IL1RAPL1: variants seen among roughly 807,000 people sequenced by gnomAD.
IL1RAPL1 encodes the protein interleukin 1 receptor accessory protein like 1.
A neutral mutation model predicts 48.4 loss-of-function variants in IL1RAPL1; 3 were observed. That is an observed-to-expected ratio of 0.06 (90% confidence interval 0.03 to 0.16). The LOEUF is 0.16. Ranked by LOEUF, IL1RAPL1 falls within the 10% of genes least tolerant of loss-of-function variation. The probability of loss-of-function intolerance (pLI) is 1.00; values close to 1 mark genes in which losing one functional copy is unlikely to be tolerated. For synonymous variants in IL1RAPL1, 185 were observed against 187.7 expected, an observed-to-expected ratio of 0.99 and a Z score of 0.12; for missense variants, 349 against 530.6, an observed-to-expected ratio of 0.66 and a Z score of 3.36.
intron 2 of IL1RAPL1, among the ~76,000 whole-genome samples, chrX:29,233,615 C>T (rs889441329): frequency 9.0e-6 from 1 of 110,769 alleles, no homozygotes; most frequent in Non-Finnish European, 1.9e-5. Context: ...TTCTTGCCTC[C>T]CTGTTGTACA....
At chrX:29,263,422 A>G (rs1450202234) in intron 2 of IL1RAPL1, among the ~76,000 whole-genome samples, 1 of 112,263 alleles carries the variant, frequency 8.9e-6, no homozygotes, top group African/African-American at 3.2e-5. Flanking sequence ...CAGTTGTTTT[A>G]ACATAATTGC....
At chrX:28,856,258 G>A (rs1921803091) in intron 2 of IL1RAPL1, among the ~76,000 whole-genome samples, 1 of 111,391 alleles carries the variant, frequency 9.0e-6, no homozygotes, top group Non-Finnish European at 1.9e-5. Context: ...GAGTTCTCCC[G>A]ATAAACTTCC....
At chrX:29,928,705 T>G (rs1932913924) in intron 8 of IL1RAPL1, among the ~76,000 whole-genome samples, 1 of 111,774 alleles carries the variant, frequency 8.9e-6, no homozygotes. Flanking sequence ...AAGAGGGAGA[T>G]AGCTGTGCAT....
At chrX:28,971,170 A>G (rs1466710268) in intron 2 of IL1RAPL1, among the ~76,000 whole-genome samples, 4 of 111,571 alleles carry the variant, frequency 3.6e-5, no homozygotes, top group Non-Finnish European at 7.5e-5. Flanking sequence ...AGTAACTAAC[A>G]ACTGCCAACT....
intron 3 of IL1RAPL1, among the ~76,000 whole-genome samples, chrX:29,394,325 A>G (rs189230239): frequency 9.0e-6 from 1 of 111,405 alleles, no homozygotes; most frequent in Non-Finnish European, 1.9e-5. Flanking sequence ...CTAAGATCCA[A>G]ATTTCATCAT....
intron 6 of IL1RAPL1, among the ~76,000 whole-genome samples, chrX:29,837,914 A>T (rs1191989010): frequency 8.9e-6 from 1 of 112,380 alleles, no homozygotes; most frequent in Non-Finnish European, 1.9e-5. Context: ...ATAGACAATT[A>T]TAAAAAGAGT....
chrX:29,307,793 A>T (rs190496478), intron 3 of IL1RAPL1, among the ~76,000 whole-genome samples: 63 of 112,342 alleles, frequency 5.6e-4, no homozygotes, highest in African/African-American at 1.9e-3. Flanking sequence ...TAAAAGATAT[A>T]CCCAATTTTG....
chrX:29,197,268 A>G (rs1423266774), intron 2 of IL1RAPL1, among the ~76,000 whole-genome samples: 2 of 112,091 alleles, frequency 1.8e-5, no homozygotes, highest in Non-Finnish European at 3.8e-5. Flanking sequence ...CAAAGAAACA[A>G]CTGCTTTATT....
intron 2 of IL1RAPL1, among the ~76,000 whole-genome samples, chrX:29,093,194 T>C (rs1940154941): frequency 9.0e-6 from 1 of 111,461 alleles, no homozygotes; most frequent in African/African-American, 3.3e-5. Context: ...AGAAAAATGG[T>C]TCAATTGGCT....
chrX:29,168,174 A>G (rs1929824382), intron 2 of IL1RAPL1, among the ~76,000 whole-genome samples: 1 of 109,920 alleles, frequency 9.1e-6, no homozygotes. Flanking sequence ...GACATTTATC[A>G]TTTCTTTTTG....
At chrX:29,075,883 A>G (rs1927659853) in intron 2 of IL1RAPL1, among the ~76,000 whole-genome samples, 1 of 111,922 alleles carries the variant, frequency 8.9e-6, no homozygotes, top group Non-Finnish European at 1.9e-5. Flanking sequence ...ACTTGTACCT[A>G]CAATAAAAAG....
intron 1 of IL1RAPL1, among the ~76,000 whole-genome samples, chrX:28,607,209 A>G (rs1934093156): frequency 9.1e-6 from 1 of 109,375 alleles, no homozygotes; most frequent in African/African-American, 3.3e-5. Flanking sequence ...TGCATGCCAA[A>G]CCTTGGGTAA....
intron 2 of IL1RAPL1, among the ~76,000 whole-genome samples, chrX:28,924,716 G>C (rs747055419): frequency 5.3e-5 from 6 of 112,160 alleles, no homozygotes; most frequent in Non-Finnish European, 9.4e-5. Context: ...TGGCTCTCAC[G>C]TGAAACATCC....
At chrX:29,910,483 T>C (rs1039506480) in intron 6 of IL1RAPL1, among the ~76,000 whole-genome samples, 11 of 112,104 alleles carry the variant, frequency 9.8e-5, no homozygotes, top group Non-Finnish European at 1.3e-4. Flanking sequence ...ATGTTTACTT[T>C]TAAATATTTG....
In IL1RAPL1 at chrX:29,074,263, A is replaced by G. The variant is rs745350004; in HGVS notation, c.83-208675A>G. Among the ~76,000 whole-genome samples, 49 of 111,135 alleles carry G rather than the reference A, an allele frequency of 4.4e-4. 1 individual carries two copies. Among genetic ancestry groups the G allele is most frequent in the Admixed American group, 5.8e-4 (6 of 10,419 alleles). On this transcript the variant is annotated intron_variant, in intron 2 of 10. Transcript: ENST00000378993. The stretch of plus-strand genomic sequence containing the variant: ...CAATTCTACACATCAGACCCTTCTC[A>G]ATCTAGTTTCTGGGCTCTGGAGGTT...
At chrX:29,250,487 C>G (rs1351750037) in intron 2 of IL1RAPL1, among the ~76,000 whole-genome samples, 1 of 111,032 alleles carries the variant, frequency 9.0e-6, no homozygotes, top group Non-Finnish European at 1.9e-5. Flanking sequence ...TTTAAGGCTT[C>G]TCATTACCTT....
chrX:29,283,966 C>T (rs1418784850), intron 3 of IL1RAPL1, among the ~76,000 whole-genome samples: 1 of 112,814 alleles, frequency 8.9e-6, no homozygotes, highest in Non-Finnish European at 1.9e-5. Context: ...GATTGTGAAT[C>T]ACATCCTTCA....
intron 6 of IL1RAPL1, among the ~76,000 whole-genome samples, chrX:29,800,370 A>G (rs1358301311): frequency 9.0e-6 from 1 of 110,807 alleles, no homozygotes; most frequent in Non-Finnish European, 1.9e-5. Flanking sequence ...CAACCTGAAC[A>G]TAGACTGACA....
intron 1 of IL1RAPL1, among the ~76,000 whole-genome samples, chrX:28,668,328 G>A (rs183398588): frequency 9.0e-5 from 10 of 111,031 alleles, no homozygotes; most frequent in South Asian, 3.8e-4. Context: ...GCGTGATGTC[G>A]GCTCTCTGCA....
Sources: allele counts gnomAD v4.1 joint callset (sites outside exome capture counted in the v4.1 genomes callset), GRCh38; gene constraint gnomAD v4.1.1; transcripts MANE v1.5; gene names NCBI Gene and HGNC (gene_info 2026-07-23, HGNC 2026-07-21).